The following NDUFA3 variants were observed in gnomAD, a reference collection of about 807,000 sequenced individuals.
The protein encoded by NDUFA3 is NADH:ubiquinone oxidoreductase subunit A3.
A neutral mutation model predicts 11.4 loss-of-function variants in NDUFA3; 10 were observed. That is an observed-to-expected ratio of 0.87 (90% CI 0.54 to 1.48). The LOEUF (loss-of-function observed/expected upper bound fraction) is 1.48, where lower values mean the gene tolerates loss of function less well. Ranked by LOEUF, NDUFA3 falls within the 40% of genes most tolerant of loss-of-function variation. NDUFA3 has a pLI of 0.00. For missense variants in NDUFA3, 115 were observed against 110.5 expected (o/e 1.04, Z -0.18); for synonymous variants, 39 against 46.9 (o/e 0.83, Z 0.68).
intron 2 of NDUFA3, among the ~76,000 whole-genome samples, chr19:54,104,225 C>T (rs2073188182): frequency 1.3e-5 from 2 of 149,250 alleles, no homozygotes; most frequent in East Asian, 2.0e-4. Flanking sequence ...GCAACCTCCG[C>T]CTCTAGGGTT....
chr19:54,105,697 C>A (rs755549267), intron 2 of NDUFA3: 1 of 690,890 alleles, frequency 1.4e-6, no homozygotes, highest in South Asian at 1.5e-5. Context: ...CCAGGCCCCA[C>A]GTATCTGTGA....
chr19:54,103,135 A>G lies in NDUFA3; in HGVS notation c.32A>G (p.Asn11Ser). Residue 11 changes from asparagine (N) to serine (S), a missense_variant, in exon 2 of 4, where the codon AAT becomes AGT. By Grantham distance (46) the Asn-to-Ser change is conservative. Coordinates refer to ENST00000485876, the MANE Select transcript of NDUFA3 (RefSeq NM_004542.4). ...TCAGGAGTCGGCGCCTTCCTCAAGA[A>G]TGCCTGGGACAAGGAGCCAGTGCTG... Reference protein sequence around the residue: MAARVGAFLKNAWDKEPVLVV... With the variant: MAARVGAFLKSAWDKEPVLVV... 1 of 1,611,840 alleles carries G rather than the reference A, an allele frequency of 6.2e-7. No individual in the cohort carries two copies. The highest frequency in any genetic ancestry group is 8.5e-7 in the Non-Finnish European group (1 of 1,178,836).
rs144531279 is a variant in NDUFA3, at chr19:54,106,833, C to T, written c.186C>T (p.Asn62=). The change falls in exon 4 of 4, where the codon AAC becomes AAT. Residue 62 remains asparagine, a synonymous_variant. Coordinates refer to ENST00000485876, the MANE Select transcript of NDUFA3 (RefSeq NM_004542.4). ...CAGTGCCCGTCCGTGATGATGGGAA[C>T]ATGCCCGACGTGCCCAGCCACCCCC... ...NYPVPVRDDG[N]MPDVPSHPQD... 1 of 1,613,492 alleles carries T rather than the reference C, an allele frequency of 6.2e-7. No individual in the cohort carries two copies. The highest frequency in any genetic ancestry group is 1.3e-5 in the African/African-American group (1 of 74,858).
In NDUFA3 at chr19:54,105,264, C is replaced by CCTTTTTTTTTTTTTTTT. The variant is rs1316415018; in HGVS notation, c.86-670_86-669insCTTTTTTTTTTTTTTTT. Among the ~76,000 whole-genome samples, 54 of 71,260 alleles carry CCTTTTTTTTTTTTTTTT rather than the reference C, an allele frequency of 7.6e-4. 2 individuals are homozygous for CCTTTTTTTTTTTTTTTT. Among genetic ancestry groups the CCTTTTTTTTTTTTTTTT allele is most frequent in the Non-Finnish European group, 1.0e-3 (40 of 39,666 alleles). The allele number at this position is 71,260 out of a possible 152,430, so 46.7% of individuals were successfully genotyped here. A position where few individuals can be genotyped will look rare whatever the true frequency, so the allele number is the denominator to read the frequency against. On this transcript the variant is annotated intron_variant, in intron 2 of 3. Transcript: ENST00000485876. ...ACCCTTTCTCCTCCAGTTTGTAAGG[C>CCTTTTTTTTTTTTTTTT]TTTTTTTTTTTTTTTTTTTTTGGTG...
intron 3 of NDUFA3, 66 bp from the exon 4 acceptor site, chr19:54,106,745 G>A (rs2073272910): frequency 7.2e-7 from 1 of 1,382,608 alleles, no homozygotes; most frequent in Non-Finnish European, 9.7e-7. Flanking sequence ...TAAAGCGACA[G>A]ACCAGCTCTT....
chr19:54,107,289 C>T lies in NDUFA3; in HGVS notation c.*387C>T, dbSNP rs1212240889. The T allele has an allele frequency of 1.4e-6, 2 of 1,402,130 alleles. No homozygotes were observed. The highest frequency in any genetic ancestry group is 1.9e-6 in the Non-Finnish European group (2 of 1,032,102). The allele number at this position is 1,402,130 out of a possible 1,614,324, so 86.9% of individuals were successfully genotyped here. A position where few individuals can be genotyped will look rare whatever the true frequency, so the allele number is the denominator to read the frequency against. On this transcript the variant is annotated 3_prime_UTR_variant, in exon 4 of 4. Transcript: ENST00000485876. ...AAAGAGACAGGGTCTCACTCTGTTG[C>T]CCAGGCTGGAGTGCAGTGGTGCCAT...
chr19:54,105,263 G>GATTTTTTTTTTTTTTTTTTTTTTTTT (rs1201834834), intron 2 of NDUFA3, among the ~76,000 whole-genome samples: 3 of 38,994 alleles, frequency 7.7e-5, no homozygotes, highest in Non-Finnish European at 1.1e-4. Context: ...AGTTTGTAAG[G>GATTTTTTTTTTTTTTTTTTTTTTTTT]CTTTTTTTTT....
chr19:54,102,907 G>A lies in NDUFA3; in HGVS notation c.10+19G>A, dbSNP rs1033986155. 4.3e-6 allele frequency: 7 copies of A among 1,609,544 alleles called. No homozygotes were observed. The highest frequency in any genetic ancestry group is 3.4e-5 in the Admixed American group (2 of 59,364). ...GCTGCGAGTAAGTGCAGGTGCCGGTGGCGCACGGGGCTCGGGTAGTTCTGG... is the reference window on the plus strand; with the variant it reads ...GCTGCGAGTAAGTGCAGGTGCCGGTAGCGCACGGGGCTCGGGTAGTTCTGG... On this transcript the variant is annotated intron_variant, in intron 1 of 3. Transcript: ENST00000485876.
chr19:54,104,416 A>G (rs2073194732), intron 2 of NDUFA3, among the ~76,000 whole-genome samples: 1 of 152,150 alleles, frequency 6.6e-6, no homozygotes, highest in South Asian at 2.1e-4. Flanking sequence ...GGGGTGAGCC[A>G]CTGCGCCCGG....
chr19:54,105,264 C>CTTTTTTTTTTTTTTTTTTTTT lies in NDUFA3; in HGVS notation c.86-669_86-649dup, dbSNP rs796770972. 4.9e-4 allele frequency among the ~76,000 whole-genome samples: 35 copies of CTTTTTTTTTTTTTTTTTTTTT among 71,262 alleles called. 4 individuals carry two copies. Among genetic ancestry groups the CTTTTTTTTTTTTTTTTTTTTT allele is most frequent in the Middle Eastern group, 0.011 (1 of 92 alleles). 46.8% of individuals were successfully genotyped at this position (71,262 alleles called of 152,430 possible). ...ACCCTTTCTCCTCCAGTTTGTAAGG[C>CTTTTTTTTTTTTTTTTTTTTT]TTTTTTTTTTTTTTTTTTTTTGGTG... On this transcript the variant is annotated intron_variant, in intron 2 of 3. Transcript: ENST00000485876.
chr19:54,103,485 T>G (rs1019416876), intron 2 of NDUFA3, among the ~76,000 whole-genome samples: 1 of 152,124 alleles, frequency 6.6e-6, no homozygotes, highest in African/African-American at 2.4e-5. Flanking sequence ...CTCCTTTTCA[T>G]CTTTCCTCTC....
rs750346120 is a variant in NDUFA3, at chr19:54,107,138, G to C, written c.*236G>C. ...CCAACTGGAATCCAGGGCCTCATCT[G>C]CTTCAAAGCCAAAGTCTTCCTCAAC... On this transcript the variant is annotated 3_prime_UTR_variant, in exon 4 of 4. Transcript: ENST00000485876. 1 of 1,613,924 alleles carries C rather than the reference G, an allele frequency of 6.2e-7. No homozygotes were observed. The highest frequency in any genetic ancestry group is 1.1e-5 in the South Asian group (1 of 91,068).
At chr19:54,105,909 G>T in intron 2 of NDUFA3, 25 bp from the exon 3 acceptor site, 1 of 1,582,888 alleles carries the variant, frequency 6.3e-7, no homozygotes. Flanking sequence ...CTTCCCCTGG[G>T]CCTCACCCCT....
intron 2 of NDUFA3, among the ~76,000 whole-genome samples, chr19:54,105,089 C>A (rs757186567): frequency 6.6e-6 from 1 of 152,060 alleles, no homozygotes; most frequent in East Asian, 1.9e-4. Flanking sequence ...TTTACTGTAG[C>A]TACTAGAAGA....
rs768895875 is a variant in NDUFA3 at position 54,102,933 on chromosome 19, G to C, written c.10+45G>C. 5.0e-6 allele frequency: 8 copies of C among 1,603,100 alleles called. No individual in the cohort carries two copies. The South Asian group carries it at 8.9e-5, about 18-fold the overall frequency. ...GCGCACGGGGCTCGGGTAGTTCTGGGAACCTCTGGGCGGTCCTGGGACTGA... is the reference window on the plus strand; with the variant it reads ...GCGCACGGGGCTCGGGTAGTTCTGGCAACCTCTGGGCGGTCCTGGGACTGA... On this transcript the variant is annotated intron_variant, in intron 1 of 3. Coordinates refer to ENST00000485876, the MANE Select transcript of NDUFA3 (RefSeq NM_004542.4).
chr19:54,102,869 G>C lies in NDUFA3; in HGVS notation c.-10G>C. 1 of 1,609,676 alleles carries C rather than the reference G, an allele frequency of 6.2e-7. No individual in the cohort carries two copies. The highest frequency in any genetic ancestry group is 8.5e-7 in the Non-Finnish European group (1 of 1,177,670). ...GCGTCCTCGCCGCTGTCGCCGCCGC[G>C]GAGACAAAGATGGCTGCGAGTAAGT... On this transcript the variant is annotated 5_prime_UTR_variant, in exon 1 of 4. Coordinates refer to ENST00000485876, the MANE Select transcript of NDUFA3 (RefSeq NM_004542.4).
chr19:54,106,624 C>T (rs2073269336), intron 3 of NDUFA3, 187 bp from the exon 4 acceptor site: 1 of 517,008 alleles, frequency 1.9e-6, no homozygotes, highest in Admixed American at 3.8e-5. Flanking sequence ...CCCTCGCTAT[C>T]TCTCTGGTTT....
chr19:54,103,199 G>A lies in NDUFA3; in HGVS notation c.85+11G>A, dbSNP rs747252263. The A allele has an allele frequency of 6.3e-7, 1 of 1,583,702 alleles. No homozygotes were observed. Among genetic ancestry groups the A allele is most frequent in the East Asian group, 2.3e-5 (1 of 44,406 alleles). On this transcript the variant is annotated intron_variant, in intron 2 of 3. Transcript: ENST00000485876. The stretch of plus-strand genomic sequence containing the variant: ...TCGTCGGGGGCCTCGGTGCGTGAGT[G>A]CTCCAGGCGCAAACTTGCATCGTCC...
At chr19:54,103,053 A>T in intron 1 of NDUFA3, 61 bp from the exon 2 acceptor site, 5 of 1,576,084 alleles carry the variant, frequency 3.2e-6, no homozygotes, top group Non-Finnish European at 4.3e-6. Context: ...GTGGCACGAG[A>T]GGGTTAGAGG....
Sources: gnomAD v4.1 joint callset for allele counts (sites outside exome capture counted in the v4.1 genomes callset) on GRCh38, gnomAD v4.1.1 for gene constraint, MANE v1.5 for transcripts, NCBI Gene and HGNC (gene_info 2026-07-23, HGNC 2026-07-21) for gene names.